STOX2: variants seen among roughly 807,000 people sequenced by gnomAD.
STOX2 encodes storkhead-box protein 2.
A neutral mutation model predicts 60.9 loss-of-function variants in STOX2; 28 were observed. The observed-to-expected ratio is 0.46, with a 90% CI of 0.34 to 0.63. STOX2 has a LOEUF of 0.63. STOX2 is among the 30% of genes least tolerant of loss of function. The pLI is 0.01. For missense variants in STOX2, 1,024 were observed against 1,187.7 expected (o/e 0.86, Z 2.03); for synonymous variants, 472 against 463.9 (o/e 1.02, Z -0.22).
chr4:183,919,640 T>C (rs1041085766), intron 1 of STOX2, among the ~76,000 whole-genome samples: 2 of 152,126 alleles, frequency 1.3e-5, no homozygotes, highest in Non-Finnish European at 2.9e-5. Context: ...TGGTCTCACT[T>C]TGTCACCCAG....
chr4:183,932,906 C>T (rs71622935), intron 1 of STOX2, among the ~76,000 whole-genome samples: 1 of 152,324 alleles, frequency 6.6e-6, no homozygotes. Context: ...TATTTATAGC[C>T]TCTTGCAGAA....
At chr4:183,935,964 GA>G (rs1313184109) in intron 1 of STOX2, among the ~76,000 whole-genome samples, 7 of 152,176 alleles carry the variant, frequency 4.6e-5, no homozygotes, top group African/African-American at 1.7e-4. Flanking sequence ...TTTTTTTGTT[GA>G]AATGAACCCT....
At chr4:183,898,678 T>C (rs1038782867) in intron 1 of STOX2, among the ~76,000 whole-genome samples, 1 of 151,926 alleles carries the variant, frequency 6.6e-6, no homozygotes, top group Non-Finnish European at 1.5e-5. Context: ...AGAGGTACCA[T>C]GGATAAGGAG....
chr4:183,889,768 C>T (rs1741164039), intron 1 of STOX2, among the ~76,000 whole-genome samples: 1 of 152,194 alleles, frequency 6.6e-6, no homozygotes, highest in Non-Finnish European at 1.5e-5. Context: ...TCCCCTCTTT[C>T]TACACCTGCC....
intron 1 of STOX2, among the ~76,000 whole-genome samples, chr4:183,925,841 G>A (rs1023752514): frequency 6.6e-6 from 1 of 151,972 alleles, no homozygotes; most frequent in African/African-American, 2.4e-5. Context: ...GCATATCAAT[G>A]GTTCTACTAA....
At chr4:183,855,375 A>C (rs1315887831) in intron 1 of STOX2, among the ~76,000 whole-genome samples, 1 of 152,176 alleles carries the variant, frequency 6.6e-6, no homozygotes, top group African/African-American at 2.4e-5. Flanking sequence ...GCATGTGTGA[A>C]AGGGGCCGTG....
chr4:183,887,990 G>T (rs906181099), intron 1 of STOX2, among the ~76,000 whole-genome samples: 1 of 152,206 alleles, frequency 6.6e-6, no homozygotes, highest in East Asian at 1.9e-4. Context: ...TTAGCTTCAA[G>T]TGATCCTCCT....
chr4:183,922,541 TC>T (rs1742132780), intron 1 of STOX2, among the ~76,000 whole-genome samples: 1 of 152,112 alleles, frequency 6.6e-6, no homozygotes, highest in Non-Finnish European at 1.5e-5. Context: ...AGACGGGGTT[TC>T]ACCATCTTGG....
intron 1 of STOX2, among the ~76,000 whole-genome samples, chr4:183,802,921 C>T (rs1188025581): frequency 1.3e-5 from 2 of 152,110 alleles, no homozygotes; most frequent in African/African-American, 4.8e-5. Context: ...GCACCCGGCC[C>T]GTATCAGTCC....
intron 1 of STOX2, among the ~76,000 whole-genome samples, chr4:183,819,839 C>T (rs1739265434): frequency 1.3e-5 from 2 of 152,134 alleles, no homozygotes; most frequent in African/African-American, 4.8e-5. Flanking sequence ...GGGCCATGCT[C>T]TTTTTCCATG....
rs762447912 is a variant in STOX2 at position 184,010,694 on chromosome 4, A to G, written c.1856A>G (p.Lys619Arg). The change falls in exon 3 of 4, where the codon AAG becomes AGG. Residue 619 changes from lysine (K) to arginine (R), a missense_variant. Around this residue, in one of 3 missense-constraint regions of STOX2, gnomAD observed 922 missense variants for 1,058.3 expected, o/e 0.87. Transcript: ENST00000308497. This position sits in a 1 kb window ranked among gnomAD's most constrained non-coding sequence, Gnocchi z 4.5. ...CTCACGGCACCATCACCTCTGGGAA[A>G]GAATAAGGAGGACCATGACACTCTG... is the stretch of plus-strand genomic sequence containing the variant. ...TVLTAPSPLG[K>R]NKEDHDTLTL... is the part of the protein sequence containing the mutation. 14 of 1,611,992 alleles carry G rather than the reference A, an allele frequency of 8.7e-6. No individual in the cohort carries two copies. In the South Asian group the frequency reaches 1.4e-4, roughly 17 times the overall value.
chr4:183,893,494 A>G (rs758908085), intron 1 of STOX2, among the ~76,000 whole-genome samples: 13 of 152,124 alleles, frequency 8.5e-5, no homozygotes, highest in Admixed American at 3.9e-4. Context: ...GTGATGCTGG[A>G]CTTCATGTTT....
intron 1 of STOX2, among the ~76,000 whole-genome samples, chr4:184,000,689 T>A (rs968728141): frequency 4.6e-5 from 7 of 152,200 alleles, no homozygotes; most frequent in African/African-American, 1.7e-4. Flanking sequence ...GGTGGAACCT[T>A]GGAAATTCCT....
intron 1 of STOX2, among the ~76,000 whole-genome samples, chr4:183,811,384 C>A (rs1283034240): frequency 6.6e-6 from 1 of 152,216 alleles, no homozygotes; most frequent in Non-Finnish European, 1.5e-5. Context: ...GCGGCTCCCT[C>A]AGGCAATCCT....
chr4:183,981,735 A>C (rs1370490500), intron 1 of STOX2, among the ~76,000 whole-genome samples: 1 of 152,188 alleles, frequency 6.6e-6, no homozygotes, highest in Non-Finnish European at 1.5e-5. Context: ...TGGTATGGAA[A>C]AAATTAGATA....
At chr4:183,873,890 T>C (rs1740752756) in intron 1 of STOX2, among the ~76,000 whole-genome samples, 1 of 152,138 alleles carries the variant, frequency 6.6e-6, no homozygotes, top group African/African-American at 2.4e-5. Flanking sequence ...ACTCCAGTGC[T>C]CTGTCATGAC....
At chr4:183,922,712 G>A (rs1742137995) in intron 1 of STOX2, among the ~76,000 whole-genome samples, 1 of 152,050 alleles carries the variant, frequency 6.6e-6, no homozygotes, top group Non-Finnish European at 1.5e-5. Context: ...ATTGTCATGA[G>A]GCCAACATCA....
intron 1 of STOX2, among the ~76,000 whole-genome samples, chr4:183,895,917 T>C (rs1741330190): frequency 6.6e-6 from 1 of 152,150 alleles, no homozygotes; most frequent in Admixed American, 6.5e-5. Context: ...TCTGCAGGGA[T>C]ATTTGAGGGC....
intron 1 of STOX2, among the ~76,000 whole-genome samples, chr4:183,912,612 C>T (rs1220620801): frequency 3.3e-5 from 5 of 152,224 alleles, no homozygotes; most frequent in East Asian, 1.9e-4. Flanking sequence ...TTCGCTCCCA[C>T]GACGTTTGTT....
Sources: allele counts gnomAD v4.1 joint callset (sites outside exome capture counted in the v4.1 genomes callset), GRCh38; gene constraint gnomAD v4.1.1; regional missense constraint gnomAD v4.1.1; non-coding constraint Gnocchi (gnomAD v3.1); transcripts MANE v1.5; gene names NCBI Gene and HGNC (gene_info 2026-07-23, HGNC 2026-07-21).